The following DMD variants were observed in gnomAD, a reference collection of about 807,000 sequenced individuals.
DMD encodes the protein mutant dystrophin.
Under a neutral mutation model 330.1 loss-of-function variants are expected in DMD, and 63 were observed. The observed-to-expected ratio is 0.19, with a 90% confidence interval of 0.16 to 0.24. DMD has a LOEUF of 0.24. Among genes scored for constraint, DMD ranks in the 10% least tolerant of loss-of-function variants. The pLI is 1.00. For missense variants in DMD, 3,344 were observed against 2,684.1 expected (o/e 1.25, Z -5.43); for synonymous variants, 1,223 against 959.8 (o/e 1.27, Z -5.07).
At chrX:31,976,927 G>C (rs1186285961) in intron 44 of DMD, among the ~76,000 whole-genome samples, 1 of 111,540 alleles carries the variant, frequency 9.0e-6, no homozygotes, top group Non-Finnish European at 1.9e-5. Context: ...TAACTACTAG[G>C]TGTCTCAAGT....
chrX:33,215,323 C>CAAAAAAAA (rs35648936), upstream of DMD, among the ~76,000 whole-genome samples: 1 of 87,948 alleles, frequency 1.1e-5, no homozygotes, highest in Non-Finnish European at 2.2e-5. Flanking sequence ...GACCCTATCT[C>CAAAAAAAA]AAAAAAAAAA....
chrX:32,642,528 G>T (rs780962503), intron 11 of DMD, among the ~76,000 whole-genome samples: 1 of 112,008 alleles, frequency 8.9e-6, no homozygotes, highest in African/African-American at 3.2e-5. Flanking sequence ...CAGAAGTCTA[G>T]GTGTCTGTCA....
At chrX:32,702,988 A>T (rs2064272778) in intron 7 of DMD, among the ~76,000 whole-genome samples, 2 of 111,559 alleles carry the variant, frequency 1.8e-5, no homozygotes, top group Admixed American at 1.9e-4. Flanking sequence ...TACCCTATTT[A>T]TTCATTTAAC....
chrX:32,809,515 T>C lies in DMD; in HGVS notation c.627A>G (p.Ile209Met). 8.3e-7 allele frequency: 1 copy of C among 1,210,802 alleles called. No homozygotes were observed. Among genetic ancestry groups the C allele is most frequent in the African/African-American group, 1.7e-5 (1 of 57,786 alleles). ...AFNIARYQLG[I>M]EKLLDPEDVD... ...AACCTTCAGGATCGAGTAGTTTCTC[T>C]ATGCCTAATTGATATCTGGCGATGT... Residue 209 changes from isoleucine to methionine, a missense_variant, in exon 7 of 79, where the codon ATA becomes ATG. Coordinates refer to ENST00000357033, the MANE Select transcript of DMD (RefSeq NM_004006.3).
rs200970937 is a variant in DMD at position 32,663,710 on chromosome X, GCTA to G, written c.961-18561_961-18559del. On this transcript the variant is annotated intron_variant, in intron 9 of 78. Coordinates refer to ENST00000357033, the MANE Select transcript of DMD (RefSeq NM_004006.3). ...CAGTGAATCATGTCACTGAAGGCAT[GCTA>G]ATCAAGAGAAATAAGTAAAATAGAA... Among the ~76,000 whole-genome samples, 7 of 111,950 alleles carry G rather than the reference GCTA, an allele frequency of 6.3e-5. No homozygotes were observed. In the East Asian group the frequency reaches 2.0e-3, roughly 31 times the overall value.
rs2095317137 is a variant in DMD, at chrX:33,108,906, A to C, written c.32-88706T>G. On this transcript the variant is annotated intron_variant, in intron 1 of 78. Coordinates refer to ENST00000357033, the MANE Select transcript of DMD (RefSeq NM_004006.3). The stretch of plus-strand genomic sequence containing the variant: ...AAAGAAGAAGAGAGAGAAGTGATTT[A>C]AACCTAAGTCTGTTCAATTTTAAAA... Among the ~76,000 whole-genome samples, 3 of 103,726 alleles carry C rather than the reference A, an allele frequency of 2.9e-5. 1 individual carries two copies. In the Middle Eastern group the frequency reaches 0.015, roughly 508 times the overall value. The allele number at this position is 103,726 out of a possible 115,157, so 90.1% of individuals were successfully genotyped here. A position where few individuals can be genotyped will look rare whatever the true frequency, so the allele number is the denominator to read the frequency against.
At chrX:32,449,525 A>G (rs1040376754) in intron 26 of DMD, among the ~76,000 whole-genome samples, 9 of 109,386 alleles carry the variant, frequency 8.2e-5, no homozygotes, top group Non-Finnish European at 1.5e-4. Flanking sequence ...CAAGCAATCC[A>G]AAGTAAAGCT....
At chrX:32,149,267 C>T (rs760631926) in intron 44 of DMD, among the ~76,000 whole-genome samples, 2 of 111,690 alleles carry the variant, frequency 1.8e-5, no homozygotes, top group African/African-American at 6.5e-5. Context: ...TTCTATGCTT[C>T]AAGTTTCAAT....
intron 44 of DMD, among the ~76,000 whole-genome samples, chrX:32,090,724 G>T (rs2096468685): frequency 1.8e-5 from 2 of 111,270 alleles, no homozygotes; most frequent in African/African-American, 6.5e-5. Flanking sequence ...TAATGTGAAT[G>T]AAAGAGTATT....
intron 52 of DMD, among the ~76,000 whole-genome samples, chrX:31,698,538 G>A (rs2083590027): frequency 8.9e-6 from 1 of 111,789 alleles, no homozygotes; most frequent in Non-Finnish European, 1.9e-5. Flanking sequence ...TAATAACACA[G>A]ATTATAAGGA....
chrX:32,124,920 C>T lies in DMD; in HGVS notation c.6438+91996G>A, dbSNP rs187881754. Among the ~76,000 whole-genome samples the T allele has an allele frequency of 5.0e-4, 51 of 101,274 alleles. 1 individual carries two copies. In the East Asian group the frequency reaches 0.013, roughly 26 times the overall value. The allele number at this position is 101,274 out of a possible 115,157, so 87.9% of individuals were successfully genotyped here. A position where few individuals can be genotyped will look rare whatever the true frequency, so the allele number is the denominator to read the frequency against. Reference sequence around the variant, plus strand: ...AGATTCCCTGACAAACGGAATAGTACGTGCAAAGGAAAAAGAGATTACAGC... The same window carrying T: ...AGATTCCCTGACAAACGGAATAGTATGTGCAAAGGAAAAAGAGATTACAGC... On this transcript the variant is annotated intron_variant, in intron 44 of 78. Transcript: ENST00000357033.
chrX:33,320,529 A>C (rs190913340), intron 1 of DMD, among the ~76,000 whole-genome samples: 1 of 112,563 alleles, frequency 8.9e-6, no homozygotes, highest in East Asian at 2.8e-4. Context: ...TTGCTAAAAA[A>C]GCTAGCAATC....
chrX:31,832,582 T>A (rs1000922086), intron 49 of DMD, among the ~76,000 whole-genome samples: 1 of 112,244 alleles, frequency 8.9e-6, no homozygotes, highest in African/African-American at 3.2e-5. Context: ...GTGTTAAAGG[T>A]TGGGATGGAA....
chrX:31,773,019 T>C (rs1371172722), intron 51 of DMD, among the ~76,000 whole-genome samples: 1 of 111,694 alleles, frequency 9.0e-6, no homozygotes, highest in Non-Finnish European at 1.9e-5. Context: ...TTGTTTACTA[T>C]CAAATTACTT....
intron 12 of DMD, among the ~76,000 whole-genome samples, chrX:32,605,370 T>C (rs750383042): frequency 9.0e-6 from 1 of 110,554 alleles, no homozygotes; most frequent in East Asian, 2.8e-4. Context: ...AGAATGAAAC[T>C]GGGTCATAAA....
intron 1 of DMD, among the ~76,000 whole-genome samples, chrX:33,332,466 C>T (rs966206901): frequency 9.0e-6 from 1 of 111,565 alleles, no homozygotes; most frequent in Non-Finnish European, 1.9e-5. Context: ...AATAAAACAT[C>T]AACACTCATG....
intron 16 of DMD, among the ~76,000 whole-genome samples, chrX:32,553,673 G>A (rs970958785): frequency 8.9e-6 from 1 of 111,851 alleles, no homozygotes; most frequent in African/African-American, 3.3e-5. Flanking sequence ...TTGCAATTAC[G>A]AACTATTCAG....
At chrX:32,650,669 A>G (rs1021486363) in intron 9 of DMD, among the ~76,000 whole-genome samples, 1 of 112,269 alleles carries the variant, frequency 8.9e-6, no homozygotes, top group Non-Finnish European at 1.9e-5. Context: ...AACACTGTAC[A>G]TGACATTCAA....
At chrX:31,322,263 C>T (rs920378684) in intron 62 of DMD, among the ~76,000 whole-genome samples, 4 of 111,556 alleles carry the variant, frequency 3.6e-5, no homozygotes, top group African/African-American at 1.3e-4. Flanking sequence ...AAATCACTGT[C>T]TAGAGTTTGA....
Sources: gnomAD v4.1 joint callset for allele counts (sites outside exome capture counted in the v4.1 genomes callset) on GRCh38, gnomAD v4.1.1 for gene constraint, MANE v1.5 for transcripts, NCBI Gene and HGNC (gene_info 2026-07-23, HGNC 2026-07-21) for gene names.